The following RAPGEF4 variants were observed in gnomAD, a reference collection of about 807,000 sequenced individuals.
RAPGEF4 encodes Rap guanine nucleotide exchange factor 4, also known as RAP guanine-nucleotide-exchange factor (GEF) 4.
In RAPGEF4, 66 loss-of-function variants were observed where a neutral mutation model predicts 147.9. The ratio of observed to expected loss-of-function variants is 0.45; its 90% CI spans 0.37 to 0.55. The LOEUF is 0.55. RAPGEF4 is among the 20% of genes least tolerant of loss of function. RAPGEF4 has a pLI of 0.00. For missense variants in RAPGEF4, 1,071 were observed against 1,257.3 expected (o/e 0.85, Z 2.24); for synonymous variants, 419 against 442.7 (o/e 0.95, Z 0.67).
chr2:172,885,390 A>G (rs1697087407), intron 4 of RAPGEF4, among the ~76,000 whole-genome samples: 1 of 152,172 alleles, frequency 6.6e-6, no homozygotes, highest in Non-Finnish European at 1.5e-5. Context: ...ACTTAAGCTA[A>G]GACAGAATTG....
At chr2:172,813,414 C>G (rs1005075806) in intron 3 of RAPGEF4, among the ~76,000 whole-genome samples, 24 of 152,304 alleles carry the variant, frequency 1.6e-4, no homozygotes, top group Non-Finnish European at 3.1e-4. Flanking sequence ...CCTTAAGAAA[C>G]TTTTAAATCA....
chr2:173,011,046 G>A (rs963056936), intron 17 of RAPGEF4, among the ~76,000 whole-genome samples: 1 of 152,068 alleles, frequency 6.6e-6, no homozygotes, highest in Non-Finnish European at 1.5e-5. Flanking sequence ...CAGTCCCTCC[G>A]GATTTGGTCA....
At position 172,979,337 on chromosome 2, in the gene RAPGEF4, A is replaced by G. The variant is rs188485450; in HGVS notation, c.1005-4159A>G. On this transcript the variant is annotated intron_variant, in intron 10 of 30. Transcript: ENST00000397081. ...CCCTTGGGCAGACCCTAAATTCAGC[A>G]TGAATCATGAGAACTCGTGTGTTCA... Among the ~76,000 whole-genome samples, 213 of 152,336 alleles carry G rather than the reference A, an allele frequency of 1.4e-3. 1 individual carries two copies. The highest frequency in any genetic ancestry group is 4.6e-3 in the African/African-American group (192 of 41,574).
At chr2:172,877,432 G>A (rs1696088436) in intron 4 of RAPGEF4, among the ~76,000 whole-genome samples, 1 of 151,772 alleles carries the variant, frequency 6.6e-6, no homozygotes, top group Admixed American at 6.6e-5. Flanking sequence ...TGGGTTGATG[G>A]GTGCAGCAAA....
chr2:172,796,446 G>A (rs1228859568), intron 2 of RAPGEF4, among the ~76,000 whole-genome samples: 5 of 152,026 alleles, frequency 3.3e-5, no homozygotes, highest in African/African-American at 9.7e-5. Context: ...TTAGCCGGGC[G>A]TGGTGGCAGG....
intron 4 of RAPGEF4, chr2:172,860,408 A>G (rs866273917): frequency 4.1e-6 from 3 of 732,734 alleles, no homozygotes; most frequent in Middle Eastern, 1.4e-3. Context: ...GTTTATTTAC[A>G]GAAGTAGACT....
At chr2:172,866,075 T>C (rs1001182687) in intron 4 of RAPGEF4, among the ~76,000 whole-genome samples, 9 of 152,116 alleles carry the variant, frequency 5.9e-5, no homozygotes, top group African/African-American at 2.2e-4. Context: ...AGTGGATCCT[T>C]CTCATCTGAG....
chr2:172,807,275 A>T (rs543381509), intron 3 of RAPGEF4, among the ~76,000 whole-genome samples: 9 of 152,366 alleles, frequency 5.9e-5, no homozygotes, highest in South Asian at 2.1e-4. Context: ...CTGGCTCTCC[A>T]CTGAAATGAG....
At chr2:172,839,166 G>A (rs1691301309) in intron 4 of RAPGEF4, among the ~76,000 whole-genome samples, 1 of 152,048 alleles carries the variant, frequency 6.6e-6, no homozygotes, top group South Asian at 2.1e-4. Flanking sequence ...TATAAAGCCA[G>A]GTCATTGGCT....
chr2:173,007,869 G>T (rs1426725046), intron 17 of RAPGEF4, among the ~76,000 whole-genome samples: 5 of 152,188 alleles, frequency 3.3e-5, no homozygotes, highest in Non-Finnish European at 7.3e-5. Context: ...AAAGACCTGT[G>T]TTTAAGACCT....
chr2:173,021,459 G>C (rs1696080999), intron 23 of RAPGEF4, among the ~76,000 whole-genome samples: 1 of 152,110 alleles, frequency 6.6e-6, no homozygotes, highest in African/African-American at 2.4e-5. Flanking sequence ...GTGGTGGCGG[G>C]CGCCTGTAGT....
chr2:172,917,651 C>G, intron 4 of RAPGEF4, 151 bp from the exon 5 acceptor site: 1 of 702,992 alleles, frequency 1.4e-6, no homozygotes, highest in Non-Finnish European at 2.5e-6. Context: ...TATTTCAGAC[C>G]AGAGACCCCG....
At chr2:172,819,235 T>G (rs1300614908) in intron 4 of RAPGEF4, among the ~76,000 whole-genome samples, 4 of 152,090 alleles carry the variant, frequency 2.6e-5, no homozygotes, top group East Asian at 3.9e-4. Flanking sequence ...TTAAATGAAT[T>G]ATGTTAAGTT....
At position 172,923,787 on chromosome 2, in the gene RAPGEF4, G is replaced by A. The variant is rs191434597; in HGVS notation, c.537+1487G>A. Reference sequence around the variant, plus strand: ...TGTGGAGAAAGCACAGACAAGTAGAGTAGGTAGGCTCAGTAAACATTGGGG... The same window carrying A: ...TGTGGAGAAAGCACAGACAAGTAGAATAGGTAGGCTCAGTAAACATTGGGG... On this transcript the variant is annotated intron_variant, in intron 6 of 30. Transcript: ENST00000397081. 9.8e-5 allele frequency among the ~76,000 whole-genome samples: 15 copies of A among 152,322 alleles called. No homozygotes were observed. The East Asian group carries it at 2.7e-3, about 27-fold the overall frequency.
At chr2:172,763,900 A>G (rs558119403) in intron 1 of RAPGEF4, among the ~76,000 whole-genome samples, 1 of 152,272 alleles carries the variant, frequency 6.6e-6, no homozygotes, top group African/African-American at 2.4e-5. Flanking sequence ...TTTTCTGATT[A>G]TGCTAAGAAA....
At chr2:172,855,735 G>A (rs949310034) in intron 4 of RAPGEF4, among the ~76,000 whole-genome samples, 1 of 152,272 alleles carries the variant, frequency 6.6e-6, no homozygotes, top group African/African-American at 2.4e-5. Context: ...ATTCTAGCTT[G>A]ACAAGTGTTG....
At chr2:172,940,482 A>G (rs1687041002) in intron 6 of RAPGEF4, among the ~76,000 whole-genome samples, 1 of 152,022 alleles carries the variant, frequency 6.6e-6, no homozygotes, top group South Asian at 2.1e-4. Context: ...ACCTCCCCAC[A>G]ACTCTCTGTC....
At chr2:172,833,260 G>GGT (rs1436913351) in intron 4 of RAPGEF4, among the ~76,000 whole-genome samples, 11 of 126,844 alleles carry the variant, frequency 8.7e-5, no homozygotes, top group Admixed American at 5.7e-4. Flanking sequence ...AGAGGTTTGG[G>GGT]TTTTTTTTTT....
chr2:172,770,974 A>G (rs1683504378), intron 1 of RAPGEF4, among the ~76,000 whole-genome samples: 1 of 152,116 alleles, frequency 6.6e-6, no homozygotes, highest in Admixed American at 6.5e-5. Context: ...CTAGGCTGTA[A>G]TGTAATACTT....
Sources: gnomAD v4.1 joint callset for allele counts (sites outside exome capture counted in the v4.1 genomes callset) on GRCh38, gnomAD v4.1.1 for gene constraint, MANE v1.5 for transcripts, NCBI Gene and HGNC (gene_info 2026-07-23, HGNC 2026-07-21) for gene names.